The following RBFOX1 variants were observed in gnomAD, a reference collection of about 807,000 sequenced individuals.
The protein encoded by RBFOX1 is RNA binding fox-1 homolog 1.
In RBFOX1, 8 loss-of-function variants were observed where a neutral mutation model predicts 57.7. The observed-to-expected ratio is 0.14, with a 90% confidence interval of 0.08 to 0.25. The LOEUF (loss-of-function observed/expected upper bound fraction) is 0.25, where lower values mean the gene tolerates loss of function less well. Ranked by LOEUF, RBFOX1 falls within the 10% of genes least tolerant of loss-of-function variation. The pLI, the probability that RBFOX1 is intolerant of heterozygous loss-of-function variation, is 1.00. For missense variants in RBFOX1, 611 were observed against 548.5 expected, an observed-to-expected ratio of 1.11 and a Z score of -1.14; for synonymous variants, 326 against 222.4, an observed-to-expected ratio of 1.47 and a Z score of -4.15.
At chr16:5,817,157 G>A (rs1218053189) in intron 3 of RBFOX1, among the ~76,000 whole-genome samples, 1 of 152,080 alleles carries the variant, frequency 6.6e-6, no homozygotes, top group East Asian at 1.9e-4. Flanking sequence ...TTGCACTCTT[G>A]TGCACTCTCT....
intron 3 of RBFOX1, among the ~76,000 whole-genome samples, chr16:5,680,992 T>C (rs1372739074): frequency 1.3e-5 from 2 of 151,862 alleles, no homozygotes; most frequent in Non-Finnish European, 2.9e-5. Flanking sequence ...TTAAGTGCCA[T>C]AAAAGAAAGA....
At chr16:6,984,447 A>G (rs2089757604) in intron 3 of RBFOX1, among the ~76,000 whole-genome samples, 3 of 152,138 alleles carry the variant, frequency 2.0e-5, no homozygotes, top group Middle Eastern at 3.2e-3. Flanking sequence ...CAGGAAAACA[A>G]TATATATCCC....
chr16:6,486,276 T>C (rs1016603352), intron 2 of RBFOX1, among the ~76,000 whole-genome samples: 2 of 151,994 alleles, frequency 1.3e-5, no homozygotes, highest in Non-Finnish European at 2.9e-5. Flanking sequence ...GGGCCAATCT[T>C]GAGCTAAACA....
chr16:6,660,188 C>A (rs373485600), intron 3 of RBFOX1, among the ~76,000 whole-genome samples: 1 of 151,088 alleles, frequency 6.6e-6, no homozygotes, highest in Non-Finnish European at 1.5e-5. Context: ...CTCGCCATTG[C>A]CCTTCAGCCT....
intron 1 of RBFOX1, among the ~76,000 whole-genome samples, chr16:5,401,501 C>G (rs2151439310): frequency 6.6e-6 from 1 of 152,224 alleles, no homozygotes; most frequent in Non-Finnish European, 1.5e-5. Context: ...CGTTAGTCCT[C>G]TTTTGTGATA....
intron 4 of RBFOX1, among the ~76,000 whole-genome samples, chr16:5,931,751 G>T (rs965139619): frequency 6.6e-6 from 1 of 152,082 alleles, no homozygotes; most frequent in Non-Finnish European, 1.5e-5. Context: ...TTCCCTACCC[G>T]TCTCATGCAT....
intron 7 of RBFOX1, among the ~76,000 whole-genome samples, chr16:7,588,272 G>A (rs2094237730): frequency 6.6e-6 from 1 of 152,192 alleles, no homozygotes; most frequent in Non-Finnish European, 1.5e-5. Flanking sequence ...CTAACCAAGG[G>A]TGGTCCCAGA....
chr16:7,216,577 G>T (rs568974545), intron 4 of RBFOX1, among the ~76,000 whole-genome samples: 1 of 152,112 alleles, frequency 6.6e-6, no homozygotes, highest in Non-Finnish European at 1.5e-5. Context: ...AGAATTGCTT[G>T]AACCTGGGAG....
intron 4 of RBFOX1, among the ~76,000 whole-genome samples, chr16:7,195,693 C>T (rs28616714): frequency 0.099 from 15,118 of 152,122 alleles, 833 homozygotes; most frequent in African/African-American, 0.11. Context: ...GCTGGAACTA[C>T]AGGCCTGCAC....
chr16:7,183,056 C>A (rs2083037537), intron 4 of RBFOX1, among the ~76,000 whole-genome samples: 1 of 152,158 alleles, frequency 6.6e-6, no homozygotes, highest in African/African-American at 2.4e-5. Context: ...TGCTTAAACA[C>A]ATGTATAAGT....
chr16:6,991,161 AAG>A (rs2091376062), intron 3 of RBFOX1, among the ~76,000 whole-genome samples: 1 of 139,930 alleles, frequency 7.1e-6, no homozygotes, highest in African/African-American at 2.7e-5. Context: ...AAAAAAAAAA[AAG>A]ACACGGTGGC....
chr16:5,948,996 C>T (rs772196446), intron 4 of RBFOX1, among the ~76,000 whole-genome samples: 1 of 152,120 alleles, frequency 6.6e-6, no homozygotes, highest in Non-Finnish European at 1.5e-5. Context: ...CAATCTCTTT[C>T]TCTCTATGTG....
rs112560664 is a variant in RBFOX1 at position 6,250,308 on chromosome 16, C to G, written c.-126-66687C>G. Among the ~76,000 whole-genome samples the G allele has an allele frequency of 4.8e-3, 731 of 152,214 alleles. 13 individuals are homozygous for G. Among genetic ancestry groups the G allele is most frequent in the African/African-American group, 0.016 (679 of 41,534 alleles). On this transcript the variant is annotated intron_variant, in intron 1 of 15. Coordinates refer to ENST00000550418, the MANE Select transcript of RBFOX1 (RefSeq NM_018723.4). ...TGGATGAAATATGCAGTCCACTGCT[C>G]ATTAGAATGTTTAATTTTGCAAGCC...
intron 1 of RBFOX1, among the ~76,000 whole-genome samples, chr16:6,261,715 G>C (rs1598929055): frequency 6.6e-6 from 1 of 152,186 alleles, no homozygotes; most frequent in Admixed American, 6.5e-5. Context: ...GCTTTCTTCA[G>C]TCCAGGCATG....
At chr16:6,360,796 G>A (rs1225339860) in intron 2 of RBFOX1, among the ~76,000 whole-genome samples, 1 of 152,124 alleles carries the variant, frequency 6.6e-6, no homozygotes, top group Non-Finnish European at 1.5e-5. Flanking sequence ...GTGCCACAGA[G>A]CTCCATGTCT....
chr16:6,686,681 C>T (rs773670599), intron 3 of RBFOX1, among the ~76,000 whole-genome samples: 3 of 152,134 alleles, frequency 2.0e-5, no homozygotes, highest in African/African-American at 4.8e-5. Context: ...GCATTTTCTT[C>T]TTTAATGCTA....
intron 1 of RBFOX1, among the ~76,000 whole-genome samples, chr16:5,403,329 A>C (rs1265075305): frequency 2.7e-5 from 4 of 150,420 alleles, no homozygotes; most frequent in Non-Finnish European, 5.9e-5. Flanking sequence ...CAGTCTGGGA[A>C]ACAGACTGAA....
At position 7,327,331 on chromosome 16, in the gene RBFOX1, A is replaced by G. The variant is rs144125075; in HGVS notation, c.28-190816A>G. Among the ~76,000 whole-genome samples, 1,247 of 152,322 alleles carry G rather than the reference A, an allele frequency of 8.2e-3. 10 individuals carry two copies. Among genetic ancestry groups the G allele is most frequent in the Middle Eastern group, 0.041 (12 of 294 alleles). ...GAAGAAAAGAGTGATCTGTAGAAAA[A>G]CGGAAAATTTGTATCGGAGGATGAA... On this transcript the variant is annotated intron_variant, in intron 4 of 15. Coordinates refer to ENST00000550418, the MANE Select transcript of RBFOX1 (RefSeq NM_018723.4).
Position 7,709,060 on chromosome 16 carries a change from G to A in RBFOX1, c.1000G>A (p.Gly334Arg), listed in dbSNP as rs535313416. 51 of 1,612,816 alleles carry A rather than the reference G, an allele frequency of 3.2e-5. No individual in the cohort carries two copies. Among genetic ancestry groups the A allele is most frequent in the East Asian group, 6.7e-5 (3 of 44,850 alleles). Reference protein sequence around the residue: ...ATAAAYSDSYGRVYAADPYHH... With the variant: ...ATAAAYSDSYRRVYAADPYHH... ...TCACCTCTATTTTCCTTTCAGTTACGGACGAGTTTATGCTGCCGACCCCTA... is the reference window on the plus strand; with the variant it reads ...TCACCTCTATTTTCCTTTCAGTTACAGACGAGTTTATGCTGCCGACCCCTA... Residue 334 changes from glycine (G) to arginine (R), a missense_variant, in exon 15 of 16, where the codon GGA becomes AGA. This residue lies in a region of RBFOX1 where 267 missense variants were observed against 229.1 expected (regional missense o/e 1.17). Transcript: ENST00000550418.
Sources: allele counts gnomAD v4.1 joint callset (sites outside exome capture counted in the v4.1 genomes callset), GRCh38; gene constraint gnomAD v4.1.1; regional missense constraint gnomAD v4.1.1; transcripts MANE v1.5; gene names NCBI Gene and HGNC (gene_info 2026-07-23, HGNC 2026-07-21).